Variants in MITF observed in about 807,000 individuals in gnomAD.
MITF encodes the protein melanocyte inducing transcription factor.
In MITF, 17 loss-of-function variants were observed where a neutral mutation model predicts 60.5. That is an observed-to-expected ratio of 0.28 (90% CI 0.19 to 0.42). The LOEUF (loss-of-function observed/expected upper bound fraction) is 0.42. Among genes scored for constraint, MITF ranks in the 10% least tolerant of loss-of-function variants. The pLI, the probability that MITF is intolerant of heterozygous loss-of-function variation, is 1.00. For synonymous variants in MITF, 260 were observed against 248.5 expected (o/e 1.05, Z -0.43); for missense variants, 622 against 683.5 (o/e 0.91, Z 1.00).
chr3:69,931,711 T>C lies in MITF; in HGVS notation c.355-6111T>C, dbSNP rs540686039. ...CATAAATATGTGATATAAATGTATA[T>C]ATATTTATTTGTGCACACCTGGGAT... On this transcript the variant is annotated intron_variant, in intron 2 of 9. Transcript: ENST00000352241. 9.8e-5 allele frequency among the ~76,000 whole-genome samples: 15 copies of C among 152,326 alleles called. No homozygotes were observed. In the East Asian group the frequency reaches 2.7e-3, roughly 27 times the overall value.
intron 2 of MITF, among the ~76,000 whole-genome samples, chr3:69,914,099 T>C (rs2065281824): frequency 6.6e-6 from 1 of 152,184 alleles, no homozygotes; most frequent in Non-Finnish European, 1.5e-5. Flanking sequence ...ACCCATTAAA[T>C]CATGCTATTA....
intron 1 of MITF, among the ~76,000 whole-genome samples, chr3:69,872,387 G>A (rs746566124): frequency 2.8e-4 from 43 of 151,908 alleles, no homozygotes; most frequent in South Asian, 4.2e-4. Flanking sequence ...TTGTTCGTAT[G>A]TTACAGAGGT....
chr3:69,962,103 G>A (rs982260746), intron 9 of MITF, among the ~76,000 whole-genome samples: 16 of 152,318 alleles, frequency 1.1e-4, no homozygotes, highest in African/African-American at 3.4e-4. Flanking sequence ...AAGGATTAGA[G>A]TGAGATGTTT....
chr3:69,769,123 G>A (rs2062351065), intron 1 of MITF, among the ~76,000 whole-genome samples: 1 of 152,106 alleles, frequency 6.6e-6, no homozygotes, highest in African/African-American at 2.4e-5. Flanking sequence ...AATTTGCCAA[G>A]GTTTGAGTCT....
chr3:69,908,012 A>T (rs867584889), intron 2 of MITF, among the ~76,000 whole-genome samples: 4 of 152,204 alleles, frequency 2.6e-5, no homozygotes, highest in Admixed American at 6.5e-5. Context: ...AAACCAAAAT[A>T]TCCAGCTTTT....
intron 1 of MITF, among the ~76,000 whole-genome samples, chr3:69,797,484 AT>A: frequency 6.6e-6 from 1 of 152,320 alleles, no homozygotes; most frequent in African/African-American, 2.4e-5. Flanking sequence ...GACTAAAAAA[AT>A]AAATAAATAA....
At chr3:69,956,560 A>G (rs1213192137) in intron 8 of MITF, 30 bp downstream of exon 8, 2 of 1,574,324 alleles carry the variant, frequency 1.3e-6, no homozygotes, top group Non-Finnish European at 1.7e-6. Context: ...AATCTGCATC[A>G]TATATTTTTC....
At chr3:69,739,833 C>A (rs1703459442) in intron 1 of MITF, 132 bp downstream of exon 1, 1 of 679,842 alleles carries the variant, frequency 1.5e-6, no homozygotes, top group Non-Finnish European at 2.6e-6. Flanking sequence ...GAGCAGAGGG[C>A]GAACTGCCCC....
chr3:69,841,856 A>T (rs1273445999), intron 1 of MITF, among the ~76,000 whole-genome samples: 2 of 152,214 alleles, frequency 1.3e-5, no homozygotes, highest in Non-Finnish European at 2.9e-5. Flanking sequence ...CGAAGAAAAA[A>T]GACTGAAAGG....
chr3:69,859,383 AT>A (rs1173820527), intron 1 of MITF, among the ~76,000 whole-genome samples: 1 of 152,202 alleles, frequency 6.6e-6, no homozygotes, highest in East Asian at 1.9e-4. Flanking sequence ...CAAACATTTA[AT>A]TTATATGAAT....
Position 69,893,692 on chromosome 3 carries a change from C to T in MITF, c.354+14309C>T, listed in dbSNP as rs2107325001. Among the ~76,000 whole-genome samples, 3 of 152,258 alleles carry T rather than the reference C, an allele frequency of 2.0e-5. No homozygotes were observed. In the East Asian group the frequency reaches 5.8e-4, roughly 29 times the overall value. ...TACCTATGATCTAGAATTAATTTCT[C>T]TAGAGATGCATGGGATGTGTAAAGA... On this transcript the variant is annotated intron_variant, in intron 2 of 9. Coordinates refer to ENST00000352241, the MANE Select transcript of MITF (RefSeq NM_001354604.2).
At chr3:69,855,929 C>T (rs1240464665) in intron 1 of MITF, among the ~76,000 whole-genome samples, 2 of 152,110 alleles carry the variant, frequency 1.3e-5, no homozygotes, top group African/African-American at 2.4e-5. Flanking sequence ...ACAAACGCAG[C>T]ATGTAACTTC....
At chr3:69,927,509 A>C (rs555584503) in intron 2 of MITF, among the ~76,000 whole-genome samples, 1 of 152,350 alleles carries the variant, frequency 6.6e-6, no homozygotes, top group South Asian at 2.1e-4. Context: ...CACGTTCTGC[A>C]CATGTATCCC....
intron 2 of MITF, among the ~76,000 whole-genome samples, chr3:69,918,416 G>T (rs1201659723): frequency 6.6e-6 from 1 of 152,122 alleles, no homozygotes; most frequent in African/African-American, 2.4e-5. Context: ...ATGACAAGAT[G>T]AATTCAATAA....
intron 1 of MITF, among the ~76,000 whole-genome samples, chr3:69,873,245 A>AT (rs1203786758): frequency 1.3e-5 from 2 of 151,992 alleles, no homozygotes; most frequent in Non-Finnish European, 2.9e-5. Context: ...TCTTATTAGT[A>AT]TTTTTTTCCA....
At chr3:69,791,824 C>T (rs746548754) in intron 1 of MITF, among the ~76,000 whole-genome samples, 4 of 152,146 alleles carry the variant, frequency 2.6e-5, no homozygotes, top group Non-Finnish European at 5.9e-5. Context: ...TTAGAACTGC[C>T]TATATGTTTC....
chr3:69,773,075 G>A (rs2062418026), intron 1 of MITF, among the ~76,000 whole-genome samples: 1 of 152,290 alleles, frequency 6.6e-6, no homozygotes, highest in Admixed American at 6.5e-5. Context: ...CTGCCTCACT[G>A]AGAAAATGAC....
intron 1 of MITF, among the ~76,000 whole-genome samples, chr3:69,785,012 C>G (rs1011844704): frequency 6.6e-6 from 1 of 150,438 alleles, no homozygotes; most frequent in African/African-American, 2.4e-5. Flanking sequence ...TCCTTGTTAT[C>G]TTTGTCAAAG....
At chr3:69,843,745 G>T (rs1368482383) in intron 1 of MITF, among the ~76,000 whole-genome samples, 1 of 151,984 alleles carries the variant, frequency 6.6e-6, no homozygotes, top group Non-Finnish European at 1.5e-5. Flanking sequence ...GTTTTTGTTT[G>T]TTTGTTTGTT....
Sources: allele counts gnomAD v4.1 joint callset (sites outside exome capture counted in the v4.1 genomes callset), GRCh38; gene constraint gnomAD v4.1.1; transcripts MANE v1.5; gene names NCBI Gene and HGNC (gene_info 2026-07-23, HGNC 2026-07-21).